NUBPL: variants seen among roughly 807,000 people sequenced by gnomAD.
NUBPL encodes the protein iron-sulfur cluster transfer protein NUBPL.
In NUBPL, 31 loss-of-function variants were observed where a neutral mutation model predicts 45.7. The ratio of observed to expected loss-of-function variants is 0.68; its 90% CI spans 0.51 to 0.92. The LOEUF is 0.92. Among genes scored for constraint, NUBPL ranks in the 40% least tolerant of loss-of-function variants. The probability of loss-of-function intolerance (pLI) is 0.00; values close to 1 mark genes in which losing one functional copy is unlikely to be tolerated. For missense variants in NUBPL, 401 were observed against 398.7 expected (o/e 1.01, Z -0.05); for synonymous variants, 144 against 140.9 (o/e 1.02, Z -0.15).
intron 4 of NUBPL, among the ~76,000 whole-genome samples, chr14:31,647,892 T>C (rs2035899535): frequency 6.6e-6 from 1 of 152,224 alleles, no homozygotes; most frequent in Admixed American, 6.5e-5. Context: ...TACCACGATA[T>C]CTGGTCACCT....
Position 31,826,642 on chromosome 14 carries a change from C to G in NUBPL, c.621C>G (p.Val207=), listed in dbSNP as rs369446497. The change falls in exon 8 of 11, where the codon GTC becomes GTG. Residue 207 remains valine (V), a synonymous_variant. Transcript: ENST00000281081. ...ATCTTTGGCTAGGTGCTGTGATTGTCTCCACGCCCCAGGACATCGCATTGA... is the reference window on the plus strand; with the variant it reads ...ATCTTTGGCTAGGTGCTGTGATTGTGTCCACGCCCCAGGACATCGCATTGA... ...QNIPITGAVI[V]STPQDIALMD... The G allele has an allele frequency of 1.7e-5, 28 of 1,614,056 alleles. No homozygotes were observed. The African/African-American group carries it at 2.5e-4, about 15-fold the overall frequency.
At chr14:31,657,452 T>C (rs1314413447) in intron 4 of NUBPL, among the ~76,000 whole-genome samples, 1 of 152,222 alleles carries the variant, frequency 6.6e-6, no homozygotes, top group Non-Finnish European at 1.5e-5. Context: ...ATAAGTCTTA[T>C]AGCCACAATG....
intron 10 of NUBPL, among the ~76,000 whole-genome samples, chr14:31,851,717 A>G (rs1426035686): frequency 6.6e-6 from 1 of 150,540 alleles, no homozygotes; most frequent in East Asian, 1.9e-4. Context: ...TTTATGCAAT[A>G]TATGAAAAAG....
intron 6 of NUBPL, among the ~76,000 whole-genome samples, chr14:31,732,388 T>A (rs1362610274): frequency 1.3e-5 from 2 of 151,320 alleles, no homozygotes; most frequent in African/African-American, 4.9e-5. Context: ...TAATACACTG[T>A]CAAAGATTTA....
At chr14:31,670,551 C>T (rs910063341) in intron 4 of NUBPL, among the ~76,000 whole-genome samples, 2 of 152,114 alleles carry the variant, frequency 1.3e-5, no homozygotes, top group African/African-American at 4.8e-5. Flanking sequence ...TTTGCCCATT[C>T]CTATGTCCAG....
intron 6 of NUBPL, among the ~76,000 whole-genome samples, chr14:31,731,915 A>C (rs2139977853): frequency 6.6e-6 from 1 of 152,140 alleles, no homozygotes; most frequent in African/African-American, 2.4e-5. Flanking sequence ...TGAAAAGGGA[A>C]CTGGAGGCCG....
chr14:31,798,746 C>G (rs1001016912), intron 7 of NUBPL, among the ~76,000 whole-genome samples: 7 of 115,980 alleles, frequency 6.0e-5, no homozygotes, highest in African/African-American at 2.4e-4. Flanking sequence ...GAGCGGAGAT[C>G]ATGCCACTGC....
chr14:31,605,239 C>T (rs1344426387), intron 4 of NUBPL, among the ~76,000 whole-genome samples: 2 of 152,114 alleles, frequency 1.3e-5, no homozygotes, highest in Non-Finnish European at 2.9e-5. Flanking sequence ...ATGGCTGTTG[C>T]ACAAGAGAGA....
At chr14:31,719,646 T>TCAC (rs1226566742) in intron 6 of NUBPL, among the ~76,000 whole-genome samples, 1 of 152,160 alleles carries the variant, frequency 6.6e-6, no homozygotes, top group African/African-American at 2.4e-5. Flanking sequence ...TTTAGGTGCA[T>TCAC]AGCATTAAAG....
intron 6 of NUBPL, among the ~76,000 whole-genome samples, chr14:31,692,017 G>A (rs1448714874): frequency 1.3e-5 from 2 of 152,006 alleles, no homozygotes; most frequent in African/African-American, 2.4e-5. Context: ...TGGGAAAAAA[G>A]CATGTCAGGA....
At chr14:31,727,295 G>A (rs557478142) in intron 6 of NUBPL, among the ~76,000 whole-genome samples, 20 of 152,210 alleles carry the variant, frequency 1.3e-4, no homozygotes, top group Middle Eastern at 3.4e-3. Flanking sequence ...TGATTATTTA[G>A]CTTTAGGTCC....
At chr14:31,789,662 A>G (rs2039343557) in intron 7 of NUBPL, among the ~76,000 whole-genome samples, 1 of 152,148 alleles carries the variant, frequency 6.6e-6, no homozygotes, top group African/African-American at 2.4e-5. Context: ...TTATATACTG[A>G]TTACCAAACA....
At chr14:31,698,539 A>G (rs2037263809) in intron 6 of NUBPL, among the ~76,000 whole-genome samples, 2 of 152,254 alleles carry the variant, frequency 1.3e-5, no homozygotes, top group South Asian at 2.1e-4. Flanking sequence ...TTCAGAGACC[A>G]TCAGTGTCTC....
At chr14:31,617,738 T>C (rs2034946753) in intron 4 of NUBPL, among the ~76,000 whole-genome samples, 1 of 152,200 alleles carries the variant, frequency 6.6e-6, no homozygotes. Flanking sequence ...TGAAATTTTC[T>C]TTTTTTATTG....
At position 31,841,924 on chromosome 14, in the gene NUBPL, T is replaced by TTTGTTTTTTG. The variant is rs1566593583; in HGVS notation, c.694-4545_694-4544insGTTTTTTGTT. ...GTATGGGTCGATTCTGGGCTTTTTT[T>TTTGTTTTTTG]TTTTTTTTTTTTTTTTTTTTTTTTG... is the stretch of plus-strand genomic sequence containing the variant. On this transcript the variant is annotated intron_variant, in intron 8 of 10. Transcript: ENST00000281081. Among the ~76,000 whole-genome samples the TTTGTTTTTTG allele has an allele frequency of 2.6e-5, 3 of 113,520 alleles. No homozygotes were observed. The East Asian group carries it at 7.0e-4, about 26-fold the overall frequency. 74.5% of individuals were successfully genotyped at this position (113,520 alleles called of 152,430 possible).
intron 6 of NUBPL, among the ~76,000 whole-genome samples, chr14:31,738,656 C>G (rs1200310692): frequency 2.0e-5 from 3 of 152,158 alleles, no homozygotes; most frequent in South Asian, 2.1e-4. Flanking sequence ...GTTTTGACAT[C>G]TCTGGTAGCA....
chr14:31,651,027 A>G (rs1193131108), intron 4 of NUBPL, among the ~76,000 whole-genome samples: 2 of 152,254 alleles, frequency 1.3e-5, no homozygotes, highest in African/African-American at 4.8e-5. Context: ...CGCACAACCC[A>G]GACACCTCTC....
At position 31,645,750 on chromosome 14, in the gene NUBPL, T is replaced by C. The variant is rs1044449363; in HGVS notation, c.383-27605T>C. Among the ~76,000 whole-genome samples the C allele has an allele frequency of 4.4e-4, 66 of 151,486 alleles. 2 individuals are homozygous for C. The highest frequency in any genetic ancestry group is 4.1e-3 in the Admixed American group (62 of 15,162). Reference sequence around the variant, plus strand: ...AGAAATAATAGAAACAAATAAAGAATTTTTTAAAACTTCTATACTTTACAC... The same window carrying C: ...AGAAATAATAGAAACAAATAAAGAACTTTTTAAAACTTCTATACTTTACAC... On this transcript the variant is annotated intron_variant, in intron 4 of 10. Transcript: ENST00000281081.
At chr14:31,609,048 CAAGT>C (rs1002521430) in intron 4 of NUBPL, among the ~76,000 whole-genome samples, 20 of 151,942 alleles carry the variant, frequency 1.3e-4, no homozygotes, top group African/African-American at 4.8e-4. Flanking sequence ...AACCAGAAAA[CAAGT>C]AACAATATGG....
Sources: gnomAD v4.1 joint callset for allele counts (sites outside exome capture counted in the v4.1 genomes callset) on GRCh38, gnomAD v4.1.1 for gene constraint, MANE v1.5 for transcripts, NCBI Gene and HGNC (gene_info 2026-07-23, HGNC 2026-07-21) for gene names.